The following COL4A5 variants were observed in gnomAD, a reference collection of about 807,000 sequenced individuals.
COL4A5 encodes collagen alpha-5(IV) chain.
Under a neutral mutation model 130.2 loss-of-function variants are expected in COL4A5, and 26 were observed. The ratio of observed to expected loss-of-function variants is 0.20; its 90% CI spans 0.15 to 0.28. The LOEUF (loss-of-function observed/expected upper bound fraction) is 0.28, where lower values mean the gene tolerates loss of function less well. Ranked by LOEUF, COL4A5 falls within the 10% of genes least tolerant of loss-of-function variation. The pLI is 1.00. For missense variants in COL4A5, 1,131 were observed against 1,344.3 expected, an observed-to-expected ratio of 0.84 and a Z score of 2.48; for synonymous variants, 496 against 439.6, an observed-to-expected ratio of 1.13 and a Z score of -1.60.
At chrX:108,637,636 A>G (rs1239267731) in intron 36 of COL4A5, among the ~76,000 whole-genome samples, 3 of 111,911 alleles carry the variant, frequency 2.7e-5, no homozygotes, top group Non-Finnish European at 5.6e-5. Context: ...AGAACTAAAA[A>G]TATATGAGAC....
intron 37 of COL4A5, among the ~76,000 whole-genome samples, chrX:108,664,309 T>G (rs1472812419): frequency 8.9e-6 from 1 of 112,495 alleles, no homozygotes; most frequent in East Asian, 2.8e-4. Flanking sequence ...AAATAAATTT[T>G]TTAGAGAAAG....
intron 20 of COL4A5, 101 bp downstream of exon 20, chrX:108,591,332 A>G: frequency 2.4e-6 from 2 of 850,922 alleles, no homozygotes; most frequent in Non-Finnish European, 3.4e-6. Context: ...TGCGTTTCTG[A>G]TATCTAAGAA....
At chrX:108,558,179 G>C (rs1428396006) in intron 2 of COL4A5, among the ~76,000 whole-genome samples, 1 of 102,844 alleles carries the variant, frequency 9.7e-6, no homozygotes, top group African/African-American at 3.6e-5. Flanking sequence ...GCGGTGTTTG[G>C]TTTTTTAAAG....
intron 3 of COL4A5, among the ~76,000 whole-genome samples, chrX:108,562,278 T>C: frequency 8.9e-6 from 1 of 111,893 alleles, no homozygotes; most frequent in Non-Finnish European, 1.9e-5. Flanking sequence ...AGCCATGTTA[T>C]AGAAATAGGT....
At chrX:108,610,448 T>G (rs2066813395) in intron 29 of COL4A5, among the ~76,000 whole-genome samples, 1 of 111,893 alleles carries the variant, frequency 8.9e-6, no homozygotes, top group African/African-American at 3.2e-5. Flanking sequence ...CTTTCTGTTT[T>G]TGACTAAACA....
At chrX:108,458,664 C>T (rs2064608295) in intron 1 of COL4A5, among the ~76,000 whole-genome samples, 1 of 111,577 alleles carries the variant, frequency 9.0e-6, no homozygotes, top group African/African-American at 3.3e-5. Flanking sequence ...GATAAGTGAA[C>T]ATGGTGTATC....
At chrX:108,585,678 C>A (rs866970722) in intron 18 of COL4A5, among the ~76,000 whole-genome samples, 5 of 111,065 alleles carry the variant, frequency 4.5e-5, no homozygotes, top group Non-Finnish European at 5.7e-5. Flanking sequence ...GTTCATTTAC[C>A]TTTATAGGTC....
chrX:108,448,258 G>A (rs923583705), intron 1 of COL4A5, among the ~76,000 whole-genome samples: 2 of 112,218 alleles, frequency 1.8e-5, no homozygotes, highest in African/African-American at 6.5e-5. Flanking sequence ...AATGTCAGAT[G>A]CTTACTAACT....
chrX:108,624,374 C>A, intron 34 of COL4A5, 40 bp downstream of exon 34: 1 of 936,464 alleles, frequency 1.1e-6, no homozygotes, highest in South Asian at 2.0e-5. Flanking sequence ...GCTTAGCTGA[C>A]ACTGAATTCT....
At chrX:108,637,833 C>T (rs1317281522) in intron 36 of COL4A5, among the ~76,000 whole-genome samples, 2 of 109,649 alleles carry the variant, frequency 1.8e-5, no homozygotes, top group Non-Finnish European at 3.8e-5. Context: ...CAGATGGCTA[C>T]ACTGGTGAAT....
At chrX:108,569,317 G>C (rs1178942411) in intron 6 of COL4A5, among the ~76,000 whole-genome samples, 2 of 112,088 alleles carry the variant, frequency 1.8e-5, no homozygotes, top group East Asian at 5.6e-4. Flanking sequence ...CTGTCAGTAT[G>C]AAACCTGAAA....
In COL4A5 at chrX:108,670,814, G is replaced by T. The variant is rs374499342; in HGVS notation, c.3799+578G>T. ...CCCAGCACTTTGGGAGGCCAAGGCG[G>T]GTGGATCACCTGAGATCAGGAGTTC... On this transcript the variant is annotated intron_variant, in intron 42 of 52. Transcript: ENST00000328300. 484 of 258,209 alleles carry T rather than the reference G, an allele frequency of 1.9e-3. 2 individuals are homozygous for T. The highest frequency in any genetic ancestry group is 0.013 in the African/African-American group (459 of 35,450). 21.3% of individuals were successfully genotyped at this position (258,209 alleles called of 1,213,427 possible). A position where few individuals can be genotyped will look rare whatever the true frequency, so the allele number is the denominator to read the frequency against.
intron 31 of COL4A5, among the ~76,000 whole-genome samples, chrX:108,621,412 A>G (rs1162213415): frequency 2.8e-5 from 3 of 108,608 alleles, no homozygotes; most frequent in South Asian, 8.1e-4. Flanking sequence ...CAATCCTCCC[A>G]CCTCAACCTC....
intron 3 of COL4A5, 59 bp downstream of exon 3, chrX:108,559,212 A>G (rs1176576467): frequency 1.2e-6 from 1 of 866,104 alleles, no homozygotes; most frequent in Non-Finnish European, 1.7e-6. Flanking sequence ...TAAATGTGGG[A>G]CTAGGTGTCA....
At chrX:108,495,954 C>T (rs772749049) in intron 1 of COL4A5, among the ~76,000 whole-genome samples, 1 of 112,313 alleles carries the variant, frequency 8.9e-6, no homozygotes. Context: ...GCAACATTGC[C>T]TGGAGTGATC....
intron 1 of COL4A5, among the ~76,000 whole-genome samples, chrX:108,450,066 G>T (rs1396678039): frequency 9.0e-6 from 1 of 111,537 alleles, no homozygotes; most frequent in Admixed American, 9.5e-5. Context: ...ACCTCAGAGG[G>T]TCCTCAATGT....
In COL4A5 at chrX:108,549,772, C is replaced by G. The variant is rs771810532; in HGVS notation, c.142-9292C>G. Among the ~76,000 whole-genome samples the G allele has an allele frequency of 9.0e-5, 10 of 110,566 alleles. No individual in the cohort carries two copies. In the South Asian group the frequency reaches 3.4e-3, roughly 38 times the overall value. On this transcript the variant is annotated intron_variant, in intron 2 of 52. Transcript: ENST00000328300. ...CTACAAAAAAAATAGAAAACACAGT[C>G]AAAATTTGGTAATTGATAGCACAAA...
intron 41 of COL4A5, 22 bp downstream of exon 41, chrX:108,668,526 G>A: frequency 8.9e-7 from 1 of 1,123,817 alleles, no homozygotes; most frequent in Non-Finnish European, 1.2e-6. Context: ...AGTGGTAGGA[G>A]AATGGTCTAT....
At chrX:108,696,269 T>C (rs2068730953) in intron 52 of COL4A5, 28 bp from the exon 53 acceptor site, 1 of 1,131,941 alleles carries the variant, frequency 8.8e-7, no homozygotes, top group Non-Finnish European at 1.2e-6. Context: ...AAAATGTGGA[T>C]CTGATTGTCT....
Sources: gnomAD v4.1 joint callset for allele counts (sites outside exome capture counted in the v4.1 genomes callset) on GRCh38, gnomAD v4.1.1 for gene constraint, MANE v1.5 for transcripts, NCBI Gene and HGNC (gene_info 2026-07-23, HGNC 2026-07-21) for gene names.